The following LUZP2 variants were observed in gnomAD, a reference collection of about 807,000 sequenced individuals.
LUZP2 encodes leucine zipper protein 2.
Under a neutral mutation model 51.6 loss-of-function variants are expected in LUZP2, and 52 were observed. The observed-to-expected ratio is 1.01, with a 90% CI of 0.81 to 1.27. LUZP2 has a LOEUF of 1.27. LUZP2 is among the 50% of genes most tolerant of loss of function. The pLI is 0.00. For synonymous variants in LUZP2, 154 were observed against 137.3 expected (o/e 1.12, Z -0.85); for missense variants, 436 against 395.4 (o/e 1.10, Z -0.87).
chr11:24,812,072 T>A (rs887960769), intron 5 of LUZP2, among the ~76,000 whole-genome samples: 3 of 152,210 alleles, frequency 2.0e-5, no homozygotes, highest in Admixed American at 1.3e-4. Flanking sequence ...CTGTTGTGTT[T>A]CATCAGAGTT....
chr11:24,561,284 A>T (rs757518439), intron 1 of LUZP2, among the ~76,000 whole-genome samples: 9 of 152,176 alleles, frequency 5.9e-5, no homozygotes, highest in Non-Finnish European at 8.8e-5. Context: ...AAGATATTTT[A>T]AAAACTGTAT....
At chr11:24,926,557 G>GTGTGTGTATATATATACGTGTATATATA (rs1854274156) in intron 7 of LUZP2, among the ~76,000 whole-genome samples, 1 of 143,384 alleles carries the variant, frequency 7.0e-6, no homozygotes, top group African/African-American at 2.6e-5. Context: ...GTATATATAT[G>GTGTGTGTATATATATACGTGTATATATA]TGTGTGTATA....
chr11:25,067,815 C>A (rs539345339), intron 10 of LUZP2, among the ~76,000 whole-genome samples: 4 of 151,944 alleles, frequency 2.6e-5, no homozygotes, highest in Admixed American at 1.3e-4. Flanking sequence ...AGTCCCATTA[C>A]TATGTACCCG....
intron 6 of LUZP2, among the ~76,000 whole-genome samples, chr11:24,909,332 T>C (rs993804233): frequency 6.6e-6 from 1 of 152,008 alleles, no homozygotes; most frequent in South Asian, 2.1e-4. Context: ...ACTTTAATTA[T>C]GTTTTAAAAA....
chr11:24,610,546 C>T (rs1349871452), intron 1 of LUZP2, among the ~76,000 whole-genome samples: 1 of 152,146 alleles, frequency 6.6e-6, no homozygotes, highest in African/African-American at 2.4e-5. Context: ...TATGGTGGCT[C>T]AAAGAGAATA....
intron 1 of LUZP2, among the ~76,000 whole-genome samples, chr11:24,574,518 T>A (rs1299673198): frequency 1.3e-5 from 2 of 152,006 alleles, no homozygotes; most frequent in East Asian, 1.9e-4. Context: ...ATGCTAATAA[T>A]GCAAAGAAAA....
intron 1 of LUZP2, among the ~76,000 whole-genome samples, chr11:24,567,533 G>T (rs978906152): frequency 1.3e-5 from 2 of 151,916 alleles, no homozygotes; most frequent in African/African-American, 4.8e-5. Context: ...ATACACCATA[G>T]TCAAAATATT....
chr11:24,775,497 G>A (rs11028165), intron 5 of LUZP2, among the ~76,000 whole-genome samples: 12,234 of 152,186 alleles, frequency 0.08, 1,065 homozygotes, highest in African/African-American at 0.22. Context: ...TAGCTGATAC[G>A]TCAGCCAGCT....
chr11:24,629,127 T>G (rs1854788449), intron 1 of LUZP2, among the ~76,000 whole-genome samples: 1 of 152,092 alleles, frequency 6.6e-6, no homozygotes, highest in Non-Finnish European at 1.5e-5. Context: ...AGTGCAATTT[T>G]GTTACATACA....
At chr11:24,767,710 C>T (rs1355881773) in intron 5 of LUZP2, among the ~76,000 whole-genome samples, 1 of 152,192 alleles carries the variant, frequency 6.6e-6, no homozygotes, top group Non-Finnish European at 1.5e-5. Flanking sequence ...GGCTCATCTC[C>T]ATTTTAATTT....
chr11:24,616,468 CG>C (rs1565031220), intron 1 of LUZP2, among the ~76,000 whole-genome samples: 1 of 76,556 alleles, frequency 1.3e-5, no homozygotes, highest in African/African-American at 8.2e-5. Flanking sequence ...TGGTATTTGG[CG>C]TGCGCATGTG....
chr11:24,686,564 A>C (rs1856902063), intron 1 of LUZP2, among the ~76,000 whole-genome samples: 1 of 152,120 alleles, frequency 6.6e-6, no homozygotes. Flanking sequence ...TCTGTTCAAA[A>C]TTCATCTGCA....
chr11:24,792,651 G>C (rs918826311), intron 5 of LUZP2, among the ~76,000 whole-genome samples: 1 of 152,118 alleles, frequency 6.6e-6, no homozygotes, highest in Non-Finnish European at 1.5e-5. Flanking sequence ...GTAAAAAGGA[G>C]AGACTGGATT....
At chr11:25,044,737 C>G (rs911295957) in intron 9 of LUZP2, among the ~76,000 whole-genome samples, 4 of 151,786 alleles carry the variant, frequency 2.6e-5, no homozygotes, top group Non-Finnish European at 4.4e-5. Flanking sequence ...ATAAAACATG[C>G]TGCTGTAAAG....
At chr11:24,549,123 G>A (rs991197926) in intron 1 of LUZP2, among the ~76,000 whole-genome samples, 3 of 151,846 alleles carry the variant, frequency 2.0e-5, no homozygotes, top group Non-Finnish European at 4.4e-5. Flanking sequence ...AGTTTAAAAT[G>A]CAAGTATATT....
chr11:24,675,451 C>G (rs938958498), intron 1 of LUZP2, among the ~76,000 whole-genome samples: 39 of 152,248 alleles, frequency 2.6e-4, no homozygotes, highest in African/African-American at 8.7e-4. Context: ...AGAGTTTTCA[C>G]ATTATGCAGT....
At chr11:24,969,406 C>A (rs1038040976) in intron 7 of LUZP2, among the ~76,000 whole-genome samples, 2 of 152,044 alleles carry the variant, frequency 1.3e-5, no homozygotes, top group African/African-American at 4.8e-5. Flanking sequence ...TGATTTCAGG[C>A]ATGGTTTGAA....
intron 5 of LUZP2, among the ~76,000 whole-genome samples, chr11:24,778,384 C>T (rs1408205499): frequency 6.6e-6 from 1 of 151,064 alleles, no homozygotes; most frequent in Non-Finnish European, 1.5e-5. Flanking sequence ...CACTGCATTC[C>T]AGCCTAGGCA....
At chr11:24,524,885 T>G (rs372585277) in intron 1 of LUZP2, among the ~76,000 whole-genome samples, 2 of 151,662 alleles carry the variant, frequency 1.3e-5, no homozygotes, top group African/African-American at 4.8e-5. Flanking sequence ...ATACTACAGA[T>G]GAAATGACAG....
Sources: gnomAD v4.1 joint callset for allele counts (sites outside exome capture counted in the v4.1 genomes callset) on GRCh38, gnomAD v4.1.1 for gene constraint, MANE v1.5 for transcripts, NCBI Gene and HGNC (gene_info 2026-07-23, HGNC 2026-07-21) for gene names.